Variants in ABL1 observed in about 807,000 individuals in gnomAD.
ABL1 encodes the protein tyrosine-protein kinase ABL1.
A neutral mutation model predicts 94.7 loss-of-function variants in ABL1; 11 were observed. The ratio of observed to expected loss-of-function variants is 0.12; its 90% CI spans 0.07 to 0.19. The LOEUF is 0.19. Ranked by LOEUF, ABL1 falls within the 10% of genes least tolerant of loss-of-function variation. ABL1 has a pLI of 1.00. For missense variants in ABL1, 1,082 were observed against 1,489.4 expected (o/e 0.73, Z 4.50); for synonymous variants, 656 against 622.4 (o/e 1.05, Z -0.80).
At chr9:130,726,366 G>A (rs574562872) in intron 1 of ABL1, among the ~76,000 whole-genome samples, 44 of 152,098 alleles carry the variant, frequency 2.9e-4, no homozygotes, top group Non-Finnish European at 2.9e-5. Flanking sequence ...ACTGTCTTAC[G>A]TTTTAGCACC....
Position 130,726,162 on chromosome 9 carries a change from T to G in ABL1, c.136+11707T>G, listed in dbSNP as rs1831582816. Among the ~76,000 whole-genome samples, 4 of 149,672 alleles carry G rather than the reference T, an allele frequency of 2.7e-5. No homozygotes were observed. In the South Asian group the frequency reaches 8.6e-4, roughly 32 times the overall value. On this transcript the variant is annotated intron_variant, in intron 1 of 10. Transcript: ENST00000372348. ...TCCCTTGCGCGACCTGATATTTTAATATTTTTTTTAAAAAAGTGTAATATG... is the reference window on the plus strand; with the variant it reads ...TCCCTTGCGCGACCTGATATTTTAAGATTTTTTTTAAAAAAGTGTAATATG...
intron 1 of ABL1, among the ~76,000 whole-genome samples, chr9:130,769,406 A>G (rs1406295001): frequency 1.6e-5 from 2 of 125,696 alleles, no homozygotes; most frequent in African/African-American, 6.3e-5. Context: ...ATCTTGGCTT[A>G]CTACAGCCTC....
chr9:130,734,424 C>T (rs1831707924), intron 1 of ABL1, among the ~76,000 whole-genome samples: 1 of 151,198 alleles, frequency 6.6e-6, no homozygotes, highest in Admixed American at 6.6e-5. Context: ...ACCGTGTTAG[C>T]CAGGATGGTC....
At chr9:130,747,462 G>A (rs1357023891) in intron 1 of ABL1, among the ~76,000 whole-genome samples, 1 of 152,102 alleles carries the variant, frequency 6.6e-6, no homozygotes, top group African/African-American at 2.4e-5. Flanking sequence ...CGCCCAGGCT[G>A]GAGTGCAGTG....
At chr9:130,780,163 C>G (rs1394956444) in intron 1 of ABL1, among the ~76,000 whole-genome samples, 1 of 152,074 alleles carries the variant, frequency 6.6e-6, no homozygotes, top group Non-Finnish European at 1.5e-5. Flanking sequence ...GGCAGGCACC[C>G]GTAATCCCAG....
chr9:130,849,500 C>T (rs1414827015), intron 1 of ABL1, among the ~76,000 whole-genome samples: 3 of 151,728 alleles, frequency 2.0e-5, no homozygotes, highest in African/African-American at 7.3e-5. Flanking sequence ...CGTTCACACA[C>T]TTTCCATGTT....
intron 1 of ABL1, among the ~76,000 whole-genome samples, chr9:130,720,638 G>A (rs755254478): frequency 2.0e-5 from 3 of 152,146 alleles, no homozygotes; most frequent in Non-Finnish European, 2.9e-5. Flanking sequence ...AGAATTTTCC[G>A]AGGGGACTAT....
intron 1 of ABL1, among the ~76,000 whole-genome samples, chr9:130,816,317 C>T (rs1830285271): frequency 6.6e-6 from 1 of 152,062 alleles, no homozygotes; most frequent in Non-Finnish European, 1.5e-5. Flanking sequence ...CTCTTCTGAT[C>T]ACCTTATTTA....
At chr9:130,861,471 A>C (rs35102781) in intron 3 of ABL1, among the ~76,000 whole-genome samples, 6,008 of 152,282 alleles carry the variant, frequency 0.039, 211 homozygotes, top group South Asian at 0.1. Context: ...CTTATTTACT[A>C]TTACAGACGT....
intron 1 of ABL1, among the ~76,000 whole-genome samples, chr9:130,769,535 C>T (rs1415527980): frequency 2.0e-5 from 3 of 151,814 alleles, no homozygotes; most frequent in Non-Finnish European, 4.4e-5. Flanking sequence ...AATGGGGTTT[C>T]ACCGTGTTGG....
intron 7 of ABL1, among the ~76,000 whole-genome samples, chr9:130,876,186 A>G (rs185328807): frequency 1.1e-4 from 17 of 151,842 alleles, no homozygotes; most frequent in Admixed American, 1.1e-3. Context: ...AATTTTTGGC[A>G]GTTACTGATA....
intron 1 of ABL1, among the ~76,000 whole-genome samples, chr9:130,793,480 C>G (rs1048198913): frequency 6.6e-6 from 1 of 152,162 alleles, no homozygotes; most frequent in Non-Finnish European, 1.5e-5. Context: ...GAACATTCTT[C>G]ACACTTTTGA....
At chr9:130,724,832 G>A (rs1455076847) in intron 1 of ABL1, 2 of 474,942 alleles carry the variant, frequency 4.2e-6, no homozygotes, top group African/African-American at 4.1e-5. Flanking sequence ...TTTAGGTGTT[G>A]TTCCTTTATG....
At position 130,735,952 on chromosome 9, in the gene ABL1, TA is replaced by T. The variant is rs1554757950; in HGVS notation, c.136+21498del. Reference sequence around the variant, plus strand: ...GTGTGTGCATATATATATATATATATATATATATATTTTTTTTTTTTAAGAC... The same window carrying T: ...GTGTGTGCATATATATATATATATATTATATATATTTTTTTTTTTTAAGAC... On this transcript the variant is annotated intron_variant, in intron 1 of 10. Coordinates refer to the ABL1 transcript ENST00000372348. 5.8e-3 allele frequency among the ~76,000 whole-genome samples: 518 copies of T among 88,752 alleles called. 4 individuals carry two copies. The highest frequency in any genetic ancestry group is 0.022 in the South Asian group (65 of 3,016). 58.2% of individuals were successfully genotyped at this position (88,752 alleles called of 152,430 possible).
chr9:130,718,567 G>T (rs1391828187), intron 1 of ABL1, among the ~76,000 whole-genome samples: 1 of 152,090 alleles, frequency 6.6e-6, no homozygotes, highest in African/African-American at 2.4e-5. Flanking sequence ...TTTTTCAAGA[G>T]TGTGACAAGG....
At chr9:130,874,615 G>C (rs917319221) in intron 6 of ABL1, among the ~76,000 whole-genome samples, 1 of 152,166 alleles carries the variant, frequency 6.6e-6, no homozygotes, top group African/African-American at 2.4e-5. Context: ...TGAGTCCCAG[G>C]GTAATTAACT....
chr9:130,831,851 G>A (rs375357473), upstream of ABL1, among the ~76,000 whole-genome samples: 5 of 151,916 alleles, frequency 3.3e-5, no homozygotes, highest in African/African-American at 1.2e-4. Context: ...TCAGGTGATC[G>A]CCCACCTTAG....
intron 1 of ABL1, among the ~76,000 whole-genome samples, chr9:130,800,182 T>C (rs975007794): frequency 6.6e-6 from 1 of 152,190 alleles, no homozygotes; most frequent in South Asian, 2.1e-4. Context: ...ATAAAATGTA[T>C]TTTTATAGAT....
intron 1 of ABL1, among the ~76,000 whole-genome samples, chr9:130,721,822 G>GTTTTTTT (rs746954089): frequency 1.7e-5 from 2 of 120,882 alleles, no homozygotes; most frequent in Admixed American, 8.9e-5. Context: ...GTTTTTTTTT[G>GTTTTTTT]TTTTTTTTTT....
Sources: allele counts gnomAD v4.1 joint callset (sites outside exome capture counted in the v4.1 genomes callset), GRCh38; gene constraint gnomAD v4.1.1; transcripts MANE v1.5; gene names NCBI Gene and HGNC (gene_info 2026-07-23, HGNC 2026-07-21).